Variants in DPP10 observed in about 807,000 individuals in gnomAD.
DPP10 encodes inactive dipeptidyl peptidase 10.
In DPP10, 33 loss-of-function variants were observed where a neutral mutation model predicts 120.9. The ratio of observed to expected loss-of-function variants is 0.27; its 90% CI spans 0.21 to 0.37. The LOEUF is 0.37. Ranked by LOEUF, DPP10 falls within the 10% of genes least tolerant of loss-of-function variation. The pLI, the probability that DPP10 is intolerant of heterozygous loss-of-function variation, is 1.00. For missense variants in DPP10, 816 were observed against 942.8 expected, an observed-to-expected ratio of 0.87 and a Z score of 1.76; for synonymous variants, 337 against 326.1, an observed-to-expected ratio of 1.03 and a Z score of -0.36.
intron 1 of DPP10, among the ~76,000 whole-genome samples, chr2:114,510,368 G>T (rs959215037): frequency 6.6e-6 from 1 of 152,170 alleles, no homozygotes; most frequent in African/African-American, 2.4e-5. Context: ...CACTTTGGGA[G>T]GCCAAGGTGG....
intron 1 of DPP10, among the ~76,000 whole-genome samples, chr2:114,641,632 A>T (rs1489756031): frequency 2.6e-5 from 4 of 151,994 alleles, no homozygotes; most frequent in African/African-American, 9.7e-5. Flanking sequence ...ACTAAAGTAT[A>T]TTTTAAACTT....
Position 114,890,925 on chromosome 2 carries a change from C to T in DPP10, c.61-418314C>T, listed in dbSNP as rs147912274. On this transcript the variant is annotated intron_variant, in intron 1 of 25. Coordinates refer to ENST00000410059, the MANE Select transcript of DPP10 (RefSeq NM_020868.6). The stretch of plus-strand genomic sequence containing the variant: ...TTGAGAATTGTCTATGTTTAGAGCA[C>T]GGTAGCAGGGTACAATATAGCCAAA... 5.0e-4 allele frequency among the ~76,000 whole-genome samples: 76 copies of T among 151,690 alleles called. 1 individual carries two copies. The highest frequency in any genetic ancestry group is 1.6e-3 in the African/African-American group (67 of 41,312).
chr2:115,468,875 C>T, intron 3 of DPP10: 1 of 416,502 alleles, frequency 2.4e-6, no homozygotes, highest in Non-Finnish European at 4.7e-6. Context: ...CCACAGAAGA[C>T]TGGTCTTCAA....
chr2:115,608,385 G>T (rs534676428), intron 5 of DPP10, among the ~76,000 whole-genome samples: 1 of 150,964 alleles, frequency 6.6e-6, no homozygotes, highest in Non-Finnish European at 1.5e-5. Context: ...ACAAGACACC[G>T]TCTCAAACAA....
intron 1 of DPP10, among the ~76,000 whole-genome samples, chr2:114,659,745 G>A (rs888712345): frequency 1.3e-5 from 2 of 152,116 alleles, no homozygotes; most frequent in African/African-American, 4.8e-5. Flanking sequence ...GTTAAAAAAT[G>A]AAGTTATACT....
intron 1 of DPP10, among the ~76,000 whole-genome samples, chr2:115,231,657 A>G (rs2057741091): frequency 6.6e-6 from 1 of 152,204 alleles, no homozygotes; most frequent in Admixed American, 6.6e-5. Flanking sequence ...AATGAATCTC[A>G]CCAAAAATAA....
At chr2:115,213,234 C>T (rs2056628194) in intron 1 of DPP10, among the ~76,000 whole-genome samples, 1 of 152,108 alleles carries the variant, frequency 6.6e-6, no homozygotes, top group Non-Finnish European at 1.5e-5. Context: ...TATTTTGTCT[C>T]AGAATGAGTA....
intron 1 of DPP10, among the ~76,000 whole-genome samples, chr2:114,588,351 C>T (rs1412336398): frequency 6.6e-6 from 1 of 152,116 alleles, no homozygotes; most frequent in Non-Finnish European, 1.5e-5. Context: ...CCATATTAGG[C>T]AACATTTACG....
chr2:115,322,756 T>A (rs1313073006), intron 2 of DPP10, among the ~76,000 whole-genome samples: 1 of 151,568 alleles, frequency 6.6e-6, no homozygotes, highest in African/African-American at 2.4e-5. Context: ...AATCATACAA[T>A]TTTTTTTTGG....
chr2:115,773,370 G>A lies in DPP10; in HGVS notation c.1222-3838G>A, dbSNP rs185800377. On this transcript the variant is annotated intron_variant, in intron 13 of 25. Transcript: ENST00000410059. ...ACCAATATTTAACTTCCTTGAGCAA[G>A]ATAAAATCTCTATGAATTGAAGGTC... is the stretch of plus-strand genomic sequence containing the variant. 1.9e-3 allele frequency among the ~76,000 whole-genome samples: 283 copies of A among 152,208 alleles called. 1 individual carries two copies. Among genetic ancestry groups the A allele is most frequent in the Admixed American group, 4.1e-3 (62 of 15,266 alleles).
chr2:114,778,464 AT>A (rs1450228802), intron 1 of DPP10, among the ~76,000 whole-genome samples: 1 of 151,730 alleles, frequency 6.6e-6, no homozygotes, highest in Non-Finnish European at 1.5e-5. Flanking sequence ...CAACATAAAT[AT>A]TTATTTCTTA....
At chr2:114,612,051 T>C (rs1693322343) in intron 1 of DPP10, among the ~76,000 whole-genome samples, 1 of 152,208 alleles carries the variant, frequency 6.6e-6, no homozygotes, top group Non-Finnish European at 1.5e-5. Context: ...ACTACACATA[T>C]ACTCACACAA....
At chr2:115,519,030 A>G (rs1475014280) in intron 4 of DPP10, among the ~76,000 whole-genome samples, 3 of 152,184 alleles carry the variant, frequency 2.0e-5, no homozygotes, top group Admixed American at 6.5e-5. Context: ...TGGAAGTTAC[A>G]ATATTTCTTT....
At chr2:114,874,314 C>T (rs1233889804) in intron 1 of DPP10, among the ~76,000 whole-genome samples, 2 of 152,078 alleles carry the variant, frequency 1.3e-5, no homozygotes, top group Admixed American at 1.3e-4. Flanking sequence ...ATGATGGTGG[C>T]CTTAAAAGGT....
rs544313796 is a variant in DPP10, at chr2:114,897,728, C to T, written c.61-411511C>T. On this transcript the variant is annotated intron_variant, in intron 1 of 25. Transcript: ENST00000410059. ...TTCTCAAAAGAAGACATTTATGCAG[C>T]CAAAAAACACATGACAAAATGCTCA... Among the ~76,000 whole-genome samples, 986 of 152,198 alleles carry T rather than the reference C, an allele frequency of 6.5e-3. 15 individuals are homozygous for T. Among genetic ancestry groups the T allele is most frequent in the African/African-American group, 0.023 (946 of 41,528 alleles).
chr2:115,656,277 CAAT>C (rs2088327975), intron 5 of DPP10, among the ~76,000 whole-genome samples: 1 of 151,182 alleles, frequency 6.6e-6, no homozygotes, highest in South Asian at 2.1e-4. Context: ...AATTATATAT[CAAT>C]AAAGCTAAAT....
At chr2:114,500,429 T>C (rs1683053647) in intron 1 of DPP10, among the ~76,000 whole-genome samples, 1 of 152,220 alleles carries the variant, frequency 6.6e-6, no homozygotes, top group Admixed American at 6.5e-5. Context: ...TACTTAATTA[T>C]ATTAGGGTTA....
intron 19 of DPP10, among the ~76,000 whole-genome samples, chr2:115,793,671 C>T (rs1684232350): frequency 6.6e-6 from 1 of 151,752 alleles, no homozygotes; most frequent in African/African-American, 2.4e-5. Context: ...TACTTTGCTA[C>T]TTTTTTGGTT....
chr2:115,551,214 A>C (rs1022532350), intron 5 of DPP10, among the ~76,000 whole-genome samples: 2 of 152,188 alleles, frequency 1.3e-5, no homozygotes, highest in South Asian at 2.1e-4. Context: ...TTCAGATTGT[A>C]ATAATTGCTT....
Sources: gnomAD v4.1 joint callset for allele counts (sites outside exome capture counted in the v4.1 genomes callset) on GRCh38, gnomAD v4.1.1 for gene constraint, MANE v1.5 for transcripts, NCBI Gene and HGNC (gene_info 2026-07-23, HGNC 2026-07-21) for gene names.